Variants in TRDN observed in about 807,000 individuals in gnomAD.
TRDN encodes the protein triadin.
Under a neutral mutation model 149.7 loss-of-function variants are expected in TRDN, and 161 were observed. That is an observed-to-expected ratio of 1.08 (90% CI 0.95 to 1.23). TRDN has a LOEUF of 1.23. Among genes scored for constraint, TRDN ranks in the 50% most tolerant of loss-of-function variants. The pLI is 0.00. For missense variants in TRDN, 896 were observed against 823.5 expected, an observed-to-expected ratio of 1.09 and a Z score of -1.08; for synonymous variants, 294 against 250.5, an observed-to-expected ratio of 1.17 and a Z score of -1.64.
intron 9 of TRDN, among the ~76,000 whole-genome samples, chr6:123,496,271 G>A (rs1254322511): frequency 6.6e-6 from 1 of 151,088 alleles, no homozygotes; most frequent in Non-Finnish European, 1.5e-5. Flanking sequence ...GAGTGCAAAG[G>A]TTCTCATTGT....
chr6:123,441,622 A>G (rs893591732), intron 10 of TRDN, among the ~76,000 whole-genome samples: 7 of 152,192 alleles, frequency 4.6e-5, no homozygotes, highest in Non-Finnish European at 8.8e-5. Context: ...TTAACATCAG[A>G]TGAAAGAAAA....
intron 38 of TRDN, among the ~76,000 whole-genome samples, chr6:123,238,001 C>A (rs935320758): frequency 3.9e-5 from 6 of 152,010 alleles, no homozygotes; most frequent in Non-Finnish European, 8.8e-5. Context: ...TTAAAAGATG[C>A]TTAAAAGTGT....
intron 2 of TRDN, among the ~76,000 whole-genome samples, chr6:123,566,161 G>T (rs1299296577): frequency 3.9e-5 from 6 of 152,236 alleles, no homozygotes; most frequent in Non-Finnish European, 2.9e-5. Context: ...GAAGTGTGGT[G>T]TAGGTGAAAT....
chr6:123,592,071 T>C (rs1783815989), intron 1 of TRDN, among the ~76,000 whole-genome samples: 1 of 152,154 alleles, frequency 6.6e-6, no homozygotes, highest in Admixed American at 6.5e-5. Context: ...GTGTATTGCT[T>C]AGTCTTCAAC....
intron 2 of TRDN, among the ~76,000 whole-genome samples, chr6:123,554,247 T>C (rs76345649): frequency 0.022 from 3,330 of 152,242 alleles, 118 homozygotes; most frequent in African/African-American, 0.076. Context: ...TATATGTTGC[T>C]GTATGTACCT....
chr6:123,225,565 G>A (rs1775324848), intron 38 of TRDN, among the ~76,000 whole-genome samples: 1 of 151,160 alleles, frequency 6.6e-6, no homozygotes, highest in African/African-American at 2.4e-5. Context: ...CAGAATGGTG[G>A]TAACTACGTG....
At chr6:123,624,210 G>C (rs1384871548) in intron 1 of TRDN, among the ~76,000 whole-genome samples, 4 of 152,092 alleles carry the variant, frequency 2.6e-5, no homozygotes, top group Non-Finnish European at 5.9e-5. Context: ...GTAAATGACA[G>C]AGTGATAGGA....
intron 5 of TRDN, among the ~76,000 whole-genome samples, chr6:123,519,214 A>T (rs939625523): frequency 6.6e-5 from 10 of 152,142 alleles, no homozygotes; most frequent in Non-Finnish European, 1.5e-4. Flanking sequence ...AATGGAATCC[A>T]CCAGTTGGAA....
At chr6:123,291,523 C>A (rs1187224726) in intron 24 of TRDN, among the ~76,000 whole-genome samples, 1 of 152,070 alleles carries the variant, frequency 6.6e-6, no homozygotes, top group Non-Finnish European at 1.5e-5. Flanking sequence ...CGAGATCACA[C>A]CACTGCACTC....
rs927320908 is a variant in TRDN, at chr6:123,522,689, G to T, written c.485-6483C>A. Among the ~76,000 whole-genome samples the T allele has an allele frequency of 1.1e-4, 16 of 152,132 alleles. No individual in the cohort carries two copies. The East Asian group carries it at 3.1e-3, about 29-fold the overall frequency. On this transcript the variant is annotated intron_variant, in intron 5 of 40. Coordinates refer to ENST00000334268, the MANE Select transcript of TRDN (RefSeq NM_006073.4). Reference sequence around the variant, plus strand: ...CCACAGACATTTGACTTAAATTACAGTGGCTTAATTAAAGCTAAATGGAAA... The same window carrying T: ...CCACAGACATTTGACTTAAATTACATTGGCTTAATTAAAGCTAAATGGAAA...
intron 2 of TRDN, among the ~76,000 whole-genome samples, chr6:123,562,875 A>C (rs1439824785): frequency 6.6e-6 from 1 of 152,214 alleles, no homozygotes; most frequent in Admixed American, 6.5e-5. Flanking sequence ...TGCAGAAGGA[A>C]ATGACTGTCA....
chr6:123,458,435 T>C (rs1052273813), intron 10 of TRDN, among the ~76,000 whole-genome samples: 1 of 152,190 alleles, frequency 6.6e-6, no homozygotes, highest in African/African-American at 2.4e-5. Flanking sequence ...GTTGAAGGCC[T>C]TAAAGAGAAA....
intron 9 of TRDN, among the ~76,000 whole-genome samples, chr6:123,472,813 G>A (rs1047476169): frequency 6.6e-6 from 1 of 151,754 alleles, no homozygotes; most frequent in African/African-American, 2.4e-5. Context: ...TAACTGGGAG[G>A]CAACCCCCCA....
At chr6:123,433,410 G>A (rs905916533) in intron 12 of TRDN, among the ~76,000 whole-genome samples, 3 of 151,708 alleles carry the variant, frequency 2.0e-5, no homozygotes, top group African/African-American at 7.3e-5. Flanking sequence ...TGCCTCCCTT[G>A]TCAAACTGTA....
chr6:123,429,890 G>A (rs1774261712), intron 12 of TRDN, among the ~76,000 whole-genome samples: 1 of 152,170 alleles, frequency 6.6e-6, no homozygotes, highest in South Asian at 2.1e-4. Context: ...AATGCGTACA[G>A]AGAAGAAATA....
At chr6:123,365,977 A>C (rs972749193) in intron 20 of TRDN, among the ~76,000 whole-genome samples, 158 bp downstream of exon 20, 2 of 152,186 alleles carry the variant, frequency 1.3e-5, no homozygotes, top group African/African-American at 4.8e-5. Context: ...TTAGAACAGT[A>C]ATGATAAAAT....
chr6:123,383,030 C>T (rs1781778314), intron 14 of TRDN, among the ~76,000 whole-genome samples: 6 of 151,978 alleles, frequency 3.9e-5, no homozygotes. Flanking sequence ...GAATTGATAC[C>T]TGCAAAAGGT....
intron 38 of TRDN, among the ~76,000 whole-genome samples, chr6:123,227,060 T>G (rs781679906): frequency 2.0e-5 from 3 of 151,846 alleles, no homozygotes; most frequent in Non-Finnish European, 4.4e-5. Flanking sequence ...ATGTGGAACA[T>G]CTTATACATC....
At chr6:123,430,505 A>C (rs1362091894) in intron 12 of TRDN, among the ~76,000 whole-genome samples, 1 of 151,920 alleles carries the variant, frequency 6.6e-6, no homozygotes, top group East Asian at 1.9e-4. Flanking sequence ...CTGCATGAAC[A>C]CGGGAGGCGG....
Sources: allele counts gnomAD v4.1 joint callset (sites outside exome capture counted in the v4.1 genomes callset), GRCh38; gene constraint gnomAD v4.1.1; transcripts MANE v1.5; gene names NCBI Gene and HGNC (gene_info 2026-07-23, HGNC 2026-07-21).